Variants in LY6S observed in about 807,000 individuals in gnomAD.
LY6S encodes the protein lymphocyte antigen 6 family member S.
chr8:143,044,955 T>C, the LY6S span: 1 of 720,244 alleles, frequency 1.4e-6, no homozygotes, highest in Non-Finnish European at 1.9e-6. Context: ...CACACCTGCC[T>C]GCAACTGGCA....
the LY6S span, among the ~76,000 whole-genome samples, chr8:143,065,695 G>A: frequency 0.021 from 3,182 of 152,032 alleles, 64 homozygotes; most frequent in East Asian, 0.065. Context: ...CTCCCATGCC[G>A]GGCGCAGGAC....
At chr8:143,042,202 T>G in the LY6S span, 1 of 153,422 alleles carries the variant, frequency 6.5e-6, no homozygotes, top group Non-Finnish European at 1.4e-5. Flanking sequence ...CAGCCCTGAC[T>G]TTCTGTCCAG....
At chr8:143,059,582 T>G in the LY6S span, 1 of 152,132 alleles carries the variant, frequency 6.6e-6, no homozygotes, top group African/African-American at 2.4e-5. Flanking sequence ...ATAATATATA[T>G]GCAAGTAAAT....
chr8:143,075,423 G>T, the LY6S span, among the ~76,000 whole-genome samples: 32 of 152,248 alleles, frequency 2.1e-4, no homozygotes, highest in East Asian at 4.8e-3. This position sits in a 1 kb window ranked among gnomAD's most constrained non-coding sequence, Gnocchi z 4.1. Flanking sequence ...CAAAAATAAG[G>T]CCAGGCACGG....
the LY6S span, among the ~76,000 whole-genome samples, chr8:143,072,569 A>T: frequency 1.4e-5 from 2 of 141,208 alleles, no homozygotes; most frequent in South Asian, 2.4e-4. Context: ...GTTTGAGGAG[A>T]CAGCCGTCGT....
chr8:143,068,163 G>A, the LY6S span, among the ~76,000 whole-genome samples: 4 of 152,218 alleles, frequency 2.6e-5, no homozygotes, highest in Non-Finnish European at 2.9e-5. Context: ...GCGGCTTTCC[G>A]CAGTGCATTG....
At chr8:143,044,398 G>T in the LY6S span, among the ~76,000 whole-genome samples, 2 of 152,076 alleles carry the variant, frequency 1.3e-5, no homozygotes, top group African/African-American at 4.8e-5. Context: ...GGGCCCTGTG[G>T]GCGCCCCCTG....
the LY6S span, among the ~76,000 whole-genome samples, chr8:143,067,369 C>G: frequency 2.0e-5 from 3 of 152,184 alleles, no homozygotes; most frequent in African/African-American, 4.8e-5. Flanking sequence ...GCAGGGTATG[C>G]CTTGTTAACA....
At chr8:143,055,308 C>A in the LY6S span, among the ~76,000 whole-genome samples, 1 of 152,248 alleles carries the variant, frequency 6.6e-6, no homozygotes, top group Middle Eastern at 3.4e-3. Flanking sequence ...GCGGAGCAGG[C>A]CCTGGGAAGG....
At chr8:143,068,546 C>T in the LY6S span, among the ~76,000 whole-genome samples, 1 of 152,068 alleles carries the variant, frequency 6.6e-6, no homozygotes, top group Non-Finnish European at 1.5e-5. Context: ...GCTTCCTGTA[C>T]AGCCTGCAAT....
At chr8:143,044,500 A>T in the LY6S span, 1 of 427,100 alleles carries the variant, frequency 2.3e-6, no homozygotes, top group Non-Finnish European at 4.1e-6. Context: ...CCGCTCTTCC[A>T]CCCTTCCCTG....
chr8:143,041,966 G>A, the LY6S span, among the ~76,000 whole-genome samples: 9 of 166 alleles, frequency 0.054, 1 homozygote, highest in African/African-American at 0.29. Flanking sequence ...GGCTGAGACG[G>A]CCGTCCACCC....
chr8:143,064,451 A>T, the LY6S span, among the ~76,000 whole-genome samples: 1 of 152,236 alleles, frequency 6.6e-6, no homozygotes, highest in African/African-American at 2.4e-5. Flanking sequence ...TGATAGCCCC[A>T]TTCAGAGGGG....
chr8:143,072,948 C>T, the LY6S span, among the ~76,000 whole-genome samples: 1 of 83,602 alleles, frequency 1.2e-5, no homozygotes, highest in African/African-American at 3.7e-5. Context: ...AGGAGACAGC[C>T]GTCGTCCTCG....
chr8:143,052,672 G>A, the LY6S span, among the ~76,000 whole-genome samples: 1 of 152,122 alleles, frequency 6.6e-6, no homozygotes, highest in South Asian at 2.1e-4. Flanking sequence ...ACCCAGCAGG[G>A]AGCTCGAGCT....
chr8:143,071,964 A>G, the LY6S span, among the ~76,000 whole-genome samples: 1 of 152,206 alleles, frequency 6.6e-6, no homozygotes, highest in African/African-American at 2.4e-5. Context: ...TCAACACACC[A>G]TCTAACACAA....
the LY6S span, chr8:143,043,033 AT>A: frequency 7.3e-7 from 1 of 1,367,808 alleles, no homozygotes; most frequent in Non-Finnish European, 9.8e-7. Flanking sequence ...AATTCCTGCA[AT>A]TCAGTGAGGC....
the LY6S span, among the ~76,000 whole-genome samples, chr8:143,070,489 A>AATATATATATAATATATATATATATT: frequency 4.9e-5 from 4 of 81,746 alleles, no homozygotes; most frequent in Non-Finnish European, 8.1e-5. Flanking sequence ...ATATATATAT[A>AATATATATATAATATATATATATATT]TTTTTTTTTT....
the LY6S span, among the ~76,000 whole-genome samples, chr8:143,052,574 G>A: frequency 1.3e-5 from 2 of 152,100 alleles, no homozygotes; most frequent in African/African-American, 2.4e-5. Flanking sequence ...CACCTTTACC[G>A]GTTGGGTGGA....
Sources: allele counts gnomAD v4.1 joint callset (sites outside exome capture counted in the v4.1 genomes callset), GRCh38; gene constraint gnomAD v4.1.1; non-coding constraint Gnocchi (gnomAD v3.1); transcripts MANE v1.5; gene names NCBI Gene and HGNC (gene_info 2026-07-23, HGNC 2026-07-21).